NAB1: variants seen among roughly 807,000 people sequenced by gnomAD.
The protein encoded by NAB1 is NGFI-A-binding protein 1.
A neutral mutation model predicts 49.9 loss-of-function variants in NAB1; 25 were observed. That is an observed-to-expected ratio of 0.50 (90% CI 0.37 to 0.70). NAB1 has a LOEUF of 0.70. Ranked by LOEUF, NAB1 falls within the 30% of genes least tolerant of loss-of-function variation. The probability of loss-of-function intolerance (pLI) is 0.00; values close to 1 mark genes in which losing one functional copy is unlikely to be tolerated. For synonymous variants in NAB1, 198 were observed against 215.6 expected (o/e 0.92, Z 0.71); for missense variants, 489 against 575.9 (o/e 0.85, Z 1.54).
In NAB1 at chr2:190,680,027, A is replaced by C. The variant is rs1695254837; in HGVS notation, c.1006-3711A>C. Among the ~76,000 whole-genome samples the C allele has an allele frequency of 6.6e-6, 1 of 152,148 alleles. No homozygotes were observed. On this transcript the variant is annotated intron_variant, in intron 6 of 9. Coordinates refer to ENST00000337386, the MANE Select transcript of NAB1 (RefSeq NM_005966.4). The surrounding 1 kb of genome is among the most constrained non-coding windows in gnomAD (Gnocchi z 5.2). ...GATCTTGAGTTCCTTATTCTAGAGAATGTCATAACCAAACTCTCAGTTGCC... is the reference window on the plus strand; with the variant it reads ...GATCTTGAGTTCCTTATTCTAGAGACTGTCATAACCAAACTCTCAGTTGCC...
rs115756812 is a variant in NAB1 at position 190,657,805 on chromosome 2, G to A, written c.-19-1353G>A. ...GCATAAAACAAAAGTCCCAAGTTCA[G>A]TGACTTCTTGGCTTTCAGGGACGTC... On this transcript the variant is annotated intron_variant, in intron 3 of 9. Coordinates refer to ENST00000337386, the MANE Select transcript of NAB1 (RefSeq NM_005966.4). This position sits in a 1 kb window ranked among gnomAD's most constrained non-coding sequence, Gnocchi z 4.4. Among the ~76,000 whole-genome samples the A allele has an allele frequency of 3.6e-3, 548 of 152,314 alleles. 2 individuals carry two copies. The highest frequency in any genetic ancestry group is 0.013 in the African/African-American group (523 of 41,572).
chr2:190,689,170 A>G lies in NAB1; in HGVS notation c.1376-1075A>G, dbSNP rs958289500. 1.3e-5 allele frequency among the ~76,000 whole-genome samples: 2 copies of G among 152,124 alleles called. No homozygotes were observed. Among genetic ancestry groups the G allele is most frequent in the Non-Finnish European group, 2.9e-5 (2 of 68,022 alleles). On this transcript the variant is annotated intron_variant, in intron 9 of 9. Transcript: ENST00000337386. The surrounding 1 kb of genome is among the most constrained non-coding windows in gnomAD (Gnocchi z 4.3). ...ACTGAATAGGAATAATACAGGTTTC[A>G]TACAGTGCAAGCCTGGGTCCAGATC...
At chr2:190,688,115 C>A (rs771173328) in intron 9 of NAB1, among the ~76,000 whole-genome samples, 6 of 152,128 alleles carry the variant, frequency 3.9e-5, no homozygotes, top group Non-Finnish European at 1.5e-5. Flanking sequence ...TGTTATCATT[C>A]AAGTCTTTGA....
chr2:190,675,534 C>T lies in NAB1; in HGVS notation c.1005+2382C>T, dbSNP rs769940518. ...GAGATACTTGAGTTATAGTTCTATACGGTTAGTTTATTGGTTTACTGGAGG... is the reference window on the plus strand; with the variant it reads ...GAGATACTTGAGTTATAGTTCTATATGGTTAGTTTATTGGTTTACTGGAGG... On this transcript the variant is annotated intron_variant, in intron 6 of 9. Coordinates refer to ENST00000337386, the MANE Select transcript of NAB1 (RefSeq NM_005966.4). The surrounding 1 kb of genome is among the most constrained non-coding windows in gnomAD (Gnocchi z 5.2). 6.6e-6 allele frequency among the ~76,000 whole-genome samples: 1 copy of T among 152,266 alleles called. No individual in the cohort carries two copies. Among genetic ancestry groups the T allele is most frequent in the Non-Finnish European group, 1.5e-5 (1 of 68,020 alleles).
rs1389189329 is a variant in NAB1, at chr2:190,663,603, T to G, written c.819+3608T>G. Among the ~76,000 whole-genome samples, 6 of 152,210 alleles carry G rather than the reference T, an allele frequency of 3.9e-5. No individual in the cohort carries two copies. The highest frequency in any genetic ancestry group is 2.6e-4 in the Admixed American group (4 of 15,274). On this transcript the variant is annotated intron_variant, in intron 4 of 9. Coordinates refer to ENST00000337386, the MANE Select transcript of NAB1 (RefSeq NM_005966.4). The surrounding 1 kb of genome is among the most constrained non-coding windows in gnomAD (Gnocchi z 4.2). ...AAAGCTTGCCAACCTCTGATCTTTT[T>G]GAAGAAGCCACTCTGGGCTTAGTTG...
intron 3 of NAB1, among the ~76,000 whole-genome samples, chr2:190,658,700 C>G (rs1694059359): frequency 6.6e-6 from 1 of 152,212 alleles, no homozygotes; most frequent in African/African-American, 2.4e-5. Flanking sequence ...ACCTGTGTCA[C>G]AGGGCCATTG....
At position 190,690,471 on chromosome 2, in the gene NAB1, G is replaced by T. The variant is rs1278190603; in HGVS notation, c.*138G>T. ...ATAGCCAAAGCAAAAGGACTGGTAC[G>T]GTAGTCTGTGGAAACCAGGAAGATA... On this transcript the variant is annotated 3_prime_UTR_variant, in exon 10 of 10. Transcript: ENST00000337386. 9.8e-6 allele frequency: 6 copies of T among 614,850 alleles called. No individual in the cohort carries two copies. Among genetic ancestry groups the T allele is most frequent in the Non-Finnish European group, 1.7e-5 (6 of 350,866 alleles). The allele number at this position is 614,850 out of a possible 1,614,324, so 38.1% of individuals were successfully genotyped here.
rs1695062790 is a variant in NAB1, at chr2:190,676,201, T to C, written c.1005+3049T>C. ...GGTAGAATTTCAAAAGGTAGCGATG[T>C]GGGGAGGGGATTGGGGTGGCATTAT... On this transcript the variant is annotated intron_variant, in intron 6 of 9. Coordinates refer to ENST00000337386, the MANE Select transcript of NAB1 (RefSeq NM_005966.4). This position sits in a 1 kb window ranked among gnomAD's most constrained non-coding sequence, Gnocchi z 4.6. Among the ~76,000 whole-genome samples, 1 of 151,828 alleles carries C rather than the reference T, an allele frequency of 6.6e-6. No individual in the cohort carries two copies. Among genetic ancestry groups the C allele is most frequent in the South Asian group, 2.1e-4 (1 of 4,808 alleles).
In NAB1 at chr2:190,683,795, A is replaced by G. The variant is rs1559251546; in HGVS notation, c.1063A>G (p.Lys355Glu). 7.4e-6 allele frequency: 12 copies of G among 1,613,686 alleles called. No individual in the cohort carries two copies. The highest frequency in any genetic ancestry group is 9.3e-6 in the Non-Finnish European group (11 of 1,179,908). ...AACACTCTTCCAGCAGGCTAGAGCT[A>G]AGAGTGAAGAACTTGCAGCTCTTAG... ...VQTLFQQARA[K>E]SEELAALSSQ... Residue 355 changes from lysine (K) to glutamate (E), a missense_variant, in exon 7 of 10, where the codon AAG becomes GAG. Around this residue, in one of 4 missense-constraint regions of NAB1, gnomAD observed 212 missense variants for 199.3 expected, o/e 1.06. Transcript: ENST00000337386.
At chr2:190,660,943 ATTT>A (rs35775676) in intron 4 of NAB1, among the ~76,000 whole-genome samples, 1 of 144,770 alleles carries the variant, frequency 6.9e-6, no homozygotes, top group African/African-American at 2.5e-5. Flanking sequence ...GTCATAGCTA[ATTT>A]TTTTTTTTTT....
chr2:190,672,909 C>A (rs987296500), intron 5 of NAB1, among the ~76,000 whole-genome samples, 192 bp from the exon 6 acceptor site: 24 of 151,978 alleles, frequency 1.6e-4, no homozygotes, highest in African/African-American at 5.6e-4. Flanking sequence ...TCTATACCTT[C>A]CCCTAGTGTT....
In NAB1 at chr2:190,690,241, G is replaced by A; in HGVS notation, c.1376-4G>A. The stretch of plus-strand genomic sequence containing the variant: ...CAACTCACTTTGTTTCCATTTTTAT[G>A]TAGAGAGCCTTGGGATTTTAAAAGA... On this transcript the variant is annotated splice_polypyrimidine_tract_variant and splice_region_variant and intron_variant, in intron 9 of 9. Transcript: ENST00000337386. The A allele has an allele frequency of 6.2e-7, 1 of 1,601,508 alleles. No homozygotes were observed.
Position 190,675,827 on chromosome 2 carries a change from T to C in NAB1, c.1005+2675T>C, listed in dbSNP as rs750252119. 6.6e-6 allele frequency among the ~76,000 whole-genome samples: 1 copy of C among 152,202 alleles called. No homozygotes were observed. Among genetic ancestry groups the C allele is most frequent in the African/African-American group, 2.4e-5 (1 of 41,446 alleles). On this transcript the variant is annotated intron_variant, in intron 6 of 9. Transcript: ENST00000337386. The surrounding 1 kb of genome is among the most constrained non-coding windows in gnomAD (Gnocchi z 5.2). ...GTTCCTCTTTCTTAAAAAGCACTTGTGTATTGCAGGTCATCAGTATCTCTT... is the reference window on the plus strand; with the variant it reads ...GTTCCTCTTTCTTAAAAAGCACTTGCGTATTGCAGGTCATCAGTATCTCTT...
Position 190,673,083 on chromosome 2 carries a change from C to G in NAB1, c.954-18C>G. 1 of 1,171,852 alleles carries G rather than the reference C, an allele frequency of 8.5e-7. No individual in the cohort carries two copies. The highest frequency in any genetic ancestry group is 1.1e-6 in the Non-Finnish European group (1 of 878,650). The allele number at this position is 1,171,852 out of a possible 1,614,324, so 72.6% of individuals were successfully genotyped here. A position where few individuals can be genotyped will look rare whatever the true frequency, so the allele number is the denominator to read the frequency against. On this transcript the variant is annotated intron_variant, in intron 5 of 9. Transcript: ENST00000337386. ...CTTTCTCAAGTTTTTTTTTTTTTTTCTCTCCCCTTTCCCTTAGGTCAAAAT... is the reference window on the plus strand; with the variant it reads ...CTTTCTCAAGTTTTTTTTTTTTTTTGTCTCCCCTTTCCCTTAGGTCAAAAT...
rs1695496205 is a variant in NAB1, at chr2:190,684,189, T to A, written c.1095+362T>A. On this transcript the variant is annotated intron_variant, in intron 7 of 9. Coordinates refer to ENST00000337386, the MANE Select transcript of NAB1 (RefSeq NM_005966.4). The surrounding 1 kb of genome is among the most constrained non-coding windows in gnomAD (Gnocchi z 4.6). Reference sequence around the variant, plus strand: ...AAAATAATACTAGTTCTCAATAAAATATTAATAGTCAACATTGTAATTATT... The same window carrying A: ...AAAATAATACTAGTTCTCAATAAAAAATTAATAGTCAACATTGTAATTATT... Among the ~76,000 whole-genome samples the A allele has an allele frequency of 6.6e-6, 1 of 152,234 alleles. No homozygotes were observed. The highest frequency in any genetic ancestry group is 1.5e-5 in the Non-Finnish European group (1 of 68,034).
rs756363627 is a variant in NAB1, at chr2:190,657,640, G to A, written c.-20+1487G>A. On this transcript the variant is annotated intron_variant, in intron 3 of 9. Transcript: ENST00000337386. The surrounding 1 kb of genome is among the most constrained non-coding windows in gnomAD (Gnocchi z 4.4). The stretch of plus-strand genomic sequence containing the variant: ...GCAAAGAAAGAGACATAAAATTTGC[G>A]GAAGTCAAAACAGATGTGGATGACA... Among the ~76,000 whole-genome samples, 21 of 151,346 alleles carry A rather than the reference G, an allele frequency of 1.4e-4. No homozygotes were observed. Among genetic ancestry groups the A allele is most frequent in the Non-Finnish European group, 2.8e-4 (19 of 67,420 alleles).
At position 190,688,512 on chromosome 2, in the gene NAB1, A is replaced by G. The variant is rs575319752; in HGVS notation, c.1375+1195A>G. 2.0e-5 allele frequency among the ~76,000 whole-genome samples: 3 copies of G among 151,802 alleles called. No individual in the cohort carries two copies. The East Asian group carries it at 5.9e-4, about 30-fold the overall frequency. Reference sequence around the variant, plus strand: ...CCTAAAAAGATGACATCCTGGTCTCATGTTTTCCATAACACAAAAAAAGTG... The same window carrying G: ...CCTAAAAAGATGACATCCTGGTCTCGTGTTTTCCATAACACAAAAAAAGTG... On this transcript the variant is annotated intron_variant, in intron 9 of 9. Transcript: ENST00000337386.
At chr2:190,690,113 G>T in intron 9 of NAB1, 132 bp from the exon 10 acceptor site, 1 of 588,898 alleles carries the variant, frequency 1.7e-6, no homozygotes, top group Non-Finnish European at 2.9e-6. Flanking sequence ...CAAAAATTTT[G>T]CATGGAATTA....
Position 190,685,565 on chromosome 2 carries a change from T to G in NAB1, c.1185T>G (p.Ser395=). 1.2e-6 allele frequency: 2 copies of G among 1,614,150 alleles called. No homozygotes were observed. Among genetic ancestry groups the G allele is most frequent in the Non-Finnish European group, 1.7e-6 (2 of 1,180,012 alleles). ...TGCAGCATGCCGAGAGGAGGTTGTC[T>G]GCAGGGCTTTACAGGCAGAGCTCAG... is the stretch of plus-strand genomic sequence containing the variant. ...ERLQHAERRL[S]AGLYRQSSEE... Residue 395 remains serine, a synonymous_variant, in exon 8 of 10, where the codon TCT becomes TCG. Transcript: ENST00000337386. The surrounding 1 kb of genome is among the most constrained non-coding windows in gnomAD (Gnocchi z 4.5).
Sources: allele counts gnomAD v4.1 joint callset (sites outside exome capture counted in the v4.1 genomes callset), GRCh38; gene constraint gnomAD v4.1.1; regional missense constraint gnomAD v4.1.1; non-coding constraint Gnocchi (gnomAD v3.1); transcripts MANE v1.5; gene names NCBI Gene and HGNC (gene_info 2026-07-23, HGNC 2026-07-21).